TTN: variants seen among roughly 807,000 people sequenced by gnomAD.
TTN encodes connectin.
TTN carries 1,525 observed loss-of-function variants against 3,223.0 expected under a neutral mutation model. That is an observed-to-expected ratio of 0.47 (90% CI 0.45 to 0.49). TTN has a LOEUF of 0.49. TTN is among the 20% of genes least tolerant of loss of function. The pLI is 0.00. For missense variants in TTN, 40,786 were observed against 43,424.0 expected, an observed-to-expected ratio of 0.94 and a Z score of 5.40; for synonymous variants, 14,094 against 15,161.0, an observed-to-expected ratio of 0.93 and a Z score of 5.17.
rs878854427 is a variant in TTN at position 178,557,121 on chromosome 2, T to C, written c.88033A>G (p.Thr29345Ala). The C allele has an allele frequency of 9.9e-6, 16 of 1,613,638 alleles. No homozygotes were observed. The highest frequency in any genetic ancestry group is 1.4e-5 in the Non-Finnish European group (16 of 1,179,750). ...ACEPPRNVRI[T>A]DISKNSVSLS... Reference sequence around the variant, plus strand: ...CTGACAGAGTTCTTTGAAATATCAGTGATACGAACATTTCTTGGGGGTTCT... The same window carrying C: ...CTGACAGAGTTCTTTGAAATATCAGCGATACGAACATTTCTTGGGGGTTCT... The change falls in exon 330 of 363, where the codon ACT becomes GCT. Residue 29345 changes from threonine to alanine, a missense_variant. Coordinates refer to ENST00000589042, the MANE Select transcript of TTN (RefSeq NM_001267550.2).
intron 350 of TTN, among the ~76,000 whole-genome samples, chr2:178,540,813 CAAAA>C (rs948492136): frequency 7.2e-5 from 11 of 151,942 alleles, no homozygotes; most frequent in Non-Finnish European, 1.2e-4. Flanking sequence ...CACAAAAAAA[CAAAA>C]GAAAGAAAAA....
In TTN at chr2:178,554,929, G is replaced by A. The variant is rs1396298450; in HGVS notation, c.88530C>T (p.Cys29510=). The A allele has an allele frequency of 3.1e-6, 5 of 1,613,770 alleles. No individual in the cohort carries two copies. Among genetic ancestry groups the A allele is most frequent in the Non-Finnish European group, 4.2e-6 (5 of 1,179,820 alleles). The change falls in exon 331 of 363, where the codon TGC becomes TGT. Residue 29510 remains cysteine (C), a synonymous_variant. Coordinates refer to ENST00000589042, the MANE Select transcript of TTN (RefSeq NM_001267550.2). ...IKDADRLNSG[C]YELKLRNAMG... is the part of the protein sequence containing the mutation. ...TGGCATTCCTTAGTTTTAATTCATA[G>A]CATCCACTATTAAGGCGATCGGCAT...
intron 87 of TTN, 69 bp downstream of exon 87, chr2:178,717,454 C>A: frequency 6.4e-7 from 1 of 1,561,006 alleles, no homozygotes; most frequent in Non-Finnish European, 8.7e-7. Context: ...AACTAAATGG[C>A]ACCAGCCTTT....
chr2:178,682,154 C>T (rs1166574958), intron 135 of TTN, among the ~76,000 whole-genome samples: 1 of 151,868 alleles, frequency 6.6e-6, no homozygotes, highest in Admixed American at 6.6e-5. Context: ...CAATTTGAAG[C>T]CCAAACTATA....
rs763751237 is a variant in TTN at position 178,620,245 on chromosome 2, T to A, written c.46276A>T (p.Asn15426Tyr). ...REKANVKWYR[N>Y]GREIKEGKKY... ...TTGCCTTCTTTGATTTCTCTCCCAT[T>A]TCTGTACCATTTTACATTGGCTTTC... The change falls in exon 248 of 363, where the codon AAT becomes TAT. Residue 15426 changes from asparagine to tyrosine, a missense_variant. Coordinates refer to ENST00000589042, the MANE Select transcript of TTN (RefSeq NM_001267550.2). 8 of 1,540,102 alleles carry A rather than the reference T, an allele frequency of 5.2e-6. No homozygotes were observed. The highest frequency in any genetic ancestry group is 7.0e-6 in the Non-Finnish European group (8 of 1,147,514).
chr2:178,617,489 G>C lies in TTN; in HGVS notation c.47596C>G (p.Leu15866Val), dbSNP rs1248132383. 6.3e-7 allele frequency: 1 copy of C among 1,590,708 alleles called. No individual in the cohort carries two copies. Among genetic ancestry groups the C allele is most frequent in the Non-Finnish European group, 8.5e-7 (1 of 1,173,286 alleles). ...PIERPSPPVNLTSSDQTQSSV... is the reference protein window; with the variant it reads ...PIERPSPPVNVTSSDQTQSSV... ...GACTGAGTCTGATCTGAGGAAGTTA[G>C]GTTTACAGGAGGACTTGGTCTCTCT... is the stretch of plus-strand genomic sequence containing the variant. The change falls in exon 254 of 363, where the codon CTA (leucine) becomes GTA (valine). Residue 15866 changes from leucine (L) to valine (V), a missense_variant. By Grantham distance (32) the Leu-to-Val change is conservative (BLOSUM62 1). Coordinates refer to ENST00000589042, the MANE Select transcript of TTN (RefSeq NM_001267550.2).
rs2076862575 is a variant in TTN at position 178,712,837 on chromosome 2, T to C, written c.27188A>G (p.Asp9063Gly). Residue 9063 changes from aspartate to glycine, a missense_variant, in exon 94 of 363, where the codon GAC (aspartate) becomes GGC (glycine). Coordinates refer to ENST00000589042, the MANE Select transcript of TTN (RefSeq NM_001267550.2). ...FKGSSELVPGDRCNVSLEDSV... is the reference protein window; with the variant it reads ...FKGSSELVPGGRCNVSLEDSV... ...ATCCTCCAAAGACACGTTGCATCTG[T>C]CACCTGGTACTAGTTCACTGCTACC... 1.2e-6 allele frequency: 2 copies of C among 1,613,810 alleles called. No individual in the cohort carries two copies. Among genetic ancestry groups the C allele is most frequent in the Non-Finnish European group, 1.7e-6 (2 of 1,179,786 alleles).
Position 178,793,526 on chromosome 2 carries a change from C to T in TTN, c.1414G>A (p.Glu472Lys), listed in dbSNP as rs760902593. The change falls in exon 9 of 363, where the codon GAG becomes AAG. Residue 472 changes from glutamate to lysine, a missense_variant. Coordinates refer to ENST00000589042, the MANE Select transcript of TTN (RefSeq NM_001267550.2). ...PAQEQVRKEA[E>K]KTAVTKVVVA... Reference sequence around the variant, plus strand: ...ACTACCTTAGTTACAGCAGTCTTCTCCGCTTCCTTTCTTACCTGCTTTTCA... The same window carrying T: ...ACTACCTTAGTTACAGCAGTCTTCTTCGCTTCCTTTCTTACCTGCTTTTCA... 1 of 1,613,928 alleles carries T rather than the reference C, an allele frequency of 6.2e-7. No homozygotes were observed. The highest frequency in any genetic ancestry group is 1.1e-5 in the South Asian group (1 of 91,080).
chr2:178,633,336 T>TA lies in TTN; in HGVS notation c.42947-11dup. ...ACTTTTATTAGTCGAGCTGAAATGA[T>TA]ACAGTTTTGTTAGCATGACTGAACT... On this transcript the variant is annotated splice_polypyrimidine_tract_variant and intron_variant, in intron 232 of 362. Transcript: ENST00000589042. The TA allele has an allele frequency of 1.2e-6, 2 of 1,612,980 alleles. No homozygotes were observed. The highest frequency in any genetic ancestry group is 1.7e-6 in the Non-Finnish European group (2 of 1,179,456).
In TTN at chr2:178,569,499, C is replaced by T. The variant is rs575965326; in HGVS notation, c.76633G>A (p.Gly25545Arg). The change falls in exon 326 of 363, where the codon GGA (glycine) becomes AGA (arginine). Residue 25545 changes from glycine (G) to arginine (R), a missense_variant. By Grantham distance (125) the Gly-to-Arg change is moderately radical. Coordinates refer to ENST00000589042, the MANE Select transcript of TTN (RefSeq NM_001267550.2). ...KGRPTPEVKW[G>R]KVDGEIRDAA... ...TCTCGGATTTCACCATCCACCTTTC[C>T]CCATTTAACTTCTGGTGTAGGACGA... 2.5e-6 allele frequency: 4 copies of T among 1,612,614 alleles called. No homozygotes were observed. The South Asian group carries it at 4.4e-5, about 18-fold the overall frequency.
chr2:178,588,652 C>T lies in TTN; in HGVS notation c.63073G>A (p.Val21025Ile), dbSNP rs369274001. Residue 21025 changes from valine to isoleucine, a missense_variant, in exon 304 of 363, where the codon GTA becomes ATA. By Grantham distance (29) the Val-to-Ile change is conservative. Coordinates refer to ENST00000589042, the MANE Select transcript of TTN (RefSeq NM_001267550.2). ...TCATGGTCTGGGAGGAGATTCTGTACTTTCATACGTCTCTCAGGGATTGCA... is the reference window on the plus strand; with the variant it reads ...TCATGGTCTGGGAGGAGATTCTGTATTTTCATACGTCTCTCAGGGATTGCA... ...KSAIPERRMK[V>I]QNLLPDHEYQ... 1.2e-5 allele frequency: 20 copies of T among 1,610,308 alleles called. No individual in the cohort carries two copies. The East Asian group carries it at 4.2e-4, about 34-fold the overall frequency.
At position 178,537,377 on chromosome 2, in the gene TTN, C is replaced by G. The variant is rs397517781; in HGVS notation, c.99830G>C (p.Gly33277Ala). The G allele has an allele frequency of 8.2e-6, 13 of 1,594,438 alleles. No individual in the cohort carries two copies. The highest frequency in any genetic ancestry group is 1.1e-5 in the Non-Finnish European group (13 of 1,168,370). The change falls in exon 355 of 363, where the codon GGA becomes GCA. Residue 33277 changes from glycine (G) to alanine (A), a missense_variant. Physicochemically the swap from Gly to Ala is moderately conservative, Grantham distance 60. Coordinates refer to ENST00000589042, the MANE Select transcript of TTN (RefSeq NM_001267550.2). ...CACATCAAGGATGGCATCAACTGTT[C>G]CAAAAACATTGCTGAGCTGGACTTT... ...KYKVQLSNVF[G>A]TVDAILDVEI...
At position 178,719,229 on chromosome 2, in the gene TTN, A is replaced by T. The variant is rs745362139; in HGVS notation, c.24161T>A (p.Ile8054Lys). Residue 8054 changes from isoleucine to lysine, a missense_variant, in exon 83 of 363, where the codon ATA (isoleucine) becomes AAA (lysine). Transcript: ENST00000589042. ...TACATTGGCAGCCACACACGTGTAT[A>T]TGCCTGTGTCGGAGGGCTCCAACAA... is the stretch of plus-strand genomic sequence containing the variant. ...LSLLEPSDTGIYTCVAANVAG... is the reference protein window; with the variant it reads ...LSLLEPSDTGKYTCVAANVAG... 8.7e-6 allele frequency: 14 copies of T among 1,613,774 alleles called. No individual in the cohort carries two copies. In the East Asian group the frequency reaches 3.1e-4, roughly 36 times the overall value.
At chr2:178,711,896 TGTTCAAAA>T in intron 96 of TTN, 40 bp downstream of exon 96, 2 of 1,519,978 alleles carry the variant, frequency 1.3e-6, no homozygotes, top group Non-Finnish European at 1.8e-6. Context: ...TTTTAAATCT[TGTTCAAAA>T]GAAACACAAA....
chr2:178,609,895 C>A lies in TTN; in HGVS notation c.51528G>T (p.Gly17176=). ...ITWKPPLYDG[G]SKIMGYIIEK... is the part of the protein sequence containing the mutation. ...CTATGATGTAGCCCATTATCTTGCTCCCTCCATCATACAAAGGTGGCTTCC... is the reference window on the plus strand; with the variant it reads ...CTATGATGTAGCCCATTATCTTGCTACCTCCATCATACAAAGGTGGCTTCC... The change falls in exon 272 of 363, where the codon GGG becomes GGT. Residue 17176 remains glycine (G), a synonymous_variant. Transcript: ENST00000589042. 1 of 1,612,960 alleles carries A rather than the reference C, an allele frequency of 6.2e-7. No homozygotes were observed. Among genetic ancestry groups the A allele is most frequent in the Non-Finnish European group, 8.5e-7 (1 of 1,179,252 alleles).
In TTN at chr2:178,717,807, C is replaced by T. The variant is rs376290076; in HGVS notation, c.25067G>A (p.Arg8356His). ...TCTTGCAAAGAAAGGTGGAAGTTTG[C>T]GCGCTGTAAAGAAGTTACAGATAAT... ...ASSAVLVIKA[R>H]KLPPFFARKL... Residue 8356 changes from arginine to histidine, a missense_variant, in exon 87 of 363, where the codon CGC (arginine) becomes CAC (histidine). Coordinates refer to ENST00000589042, the MANE Select transcript of TTN (RefSeq NM_001267550.2). 1.7e-5 allele frequency: 27 copies of T among 1,604,140 alleles called. No homozygotes were observed. The highest frequency in any genetic ancestry group is 2.2e-5 in the South Asian group (2 of 89,562).
chr2:178,611,018 T>C lies in TTN; in HGVS notation c.51111A>G (p.Thr17037=). 6.2e-7 allele frequency: 1 copy of C among 1,612,582 alleles called. No individual in the cohort carries two copies. The highest frequency in any genetic ancestry group is 8.5e-7 in the Non-Finnish European group (1 of 1,179,078). The change falls in exon 270 of 363, where the codon ACA becomes ACG. Residue 17037 remains threonine, a synonymous_variant. Transcript: ENST00000589042. ...ITLENKLGSA[T]ASINVKVIGL... is the part of the protein sequence containing the mutation. ...CTATGACTTTGACATTGATTGAGGC[T>C]GTTGCTGAGCCGAGCTTATTCTCCA...
In TTN at chr2:178,741,076, G is replaced by A; in HGVS notation, c.12157C>T (p.Pro4053Ser). Residue 4053 changes from proline (P) to serine (S), a missense_variant, in exon 48 of 363, where the codon CCA becomes TCA. Pro to Ser is a moderately conservative substitution (Grantham distance 74). Transcript: ENST00000589042. ...GCGGGACCCTTTAAGGGTGTCTGTG[G>A]AAAATCCTCAGGAGCCTCTGGTGTG... ...KSTPEAPEDF[P>S]QTPLKGPAVE... is the part of the protein sequence containing the mutation. The A allele has an allele frequency of 1.2e-6, 2 of 1,613,892 alleles. No homozygotes were observed. Among genetic ancestry groups the A allele is most frequent in the Non-Finnish European group, 1.7e-6 (2 of 1,179,840 alleles).
At chr2:178,626,967 A>G (rs2059144944) in intron 240 of TTN, among the ~76,000 whole-genome samples, 2 of 151,974 alleles carry the variant, frequency 1.3e-5, no homozygotes, top group African/African-American at 4.8e-5. Flanking sequence ...GTTAAAAGAA[A>G]AAAAAGGAAA....
Sources: allele counts gnomAD v4.1 joint callset (sites outside exome capture counted in the v4.1 genomes callset), GRCh38; gene constraint gnomAD v4.1.1; transcripts MANE v1.5; gene names NCBI Gene and HGNC (gene_info 2026-07-23, HGNC 2026-07-21).